The following LINGO1 variants were observed in gnomAD, a reference collection of about 807,000 sequenced individuals.
The protein encoded by LINGO1 is leucine-rich repeat and immunoglobulin-like domain-containing nogo receptor-interacting protein 1.
A neutral mutation model predicts 37.3 loss-of-function variants in LINGO1; 11 were observed. That is an observed-to-expected ratio of 0.29 (90% confidence interval 0.19 to 0.49). The LOEUF is 0.49. LINGO1 is among the 20% of genes least tolerant of loss of function. The pLI is 0.99. For synonymous variants in LINGO1, 387 were observed against 403.0 expected (o/e 0.96, Z 0.48); for missense variants, 585 against 878.2 (o/e 0.67, Z 4.22).
upstream of LINGO1, among the ~76,000 whole-genome samples, chr15:77,698,830 G>A (rs933616124): frequency 6.6e-6 from 1 of 152,184 alleles, no homozygotes; most frequent in African/African-American, 2.4e-5. Context: ...TCGGGAGCAG[G>A]GCTGCCTTTT....
intron 3 of LINGO1, among the ~76,000 whole-genome samples, chr15:77,670,010 C>CA (rs887085037): frequency 1.8e-4 from 28 of 151,692 alleles, no homozygotes; most frequent in Non-Finnish European, 3.4e-4. Context: ...ATCATTCAGC[C>CA]AAAAAAAAGA....
chr15:77,720,304 C>T (rs1281740222), intron 2 of LINGO1, among the ~76,000 whole-genome samples: 2 of 152,372 alleles, frequency 1.3e-5, no homozygotes, highest in East Asian at 3.9e-4. Flanking sequence ...GCCGACTCTG[C>T]CAAGCAGTGC....
chr15:77,673,597 C>T (rs1032356838), intron 3 of LINGO1, among the ~76,000 whole-genome samples: 2 of 152,212 alleles, frequency 1.3e-5, no homozygotes, highest in African/African-American at 2.4e-5. Flanking sequence ...CTTTTCTGTT[C>T]CCCCTCAGCT....
At chr15:77,663,566 G>T (rs1464006332) in intron 3 of LINGO1, among the ~76,000 whole-genome samples, 1 of 152,156 alleles carries the variant, frequency 6.6e-6, no homozygotes, top group African/African-American at 2.4e-5. Flanking sequence ...GTATTTATCT[G>T]CCCTTCTCTC....
At position 77,675,616 on chromosome 15, in the gene LINGO1, C is replaced by T. The variant is rs555078589; in HGVS notation, c.-13+1473G>A. Among the ~76,000 whole-genome samples the T allele has an allele frequency of 5.9e-5, 9 of 152,086 alleles. No individual in the cohort carries two copies. In the South Asian group the frequency reaches 1.3e-3, roughly 21 times the overall value. On this transcript the variant is annotated intron_variant, in intron 3 of 3. Coordinates refer to the LINGO1 transcript ENST00000559893. ...AAGGGGACATATCAAACGAGTTATC[C>T]GTGTTAGCTCTTGGGAGGAAAAGAC...
chr15:77,635,059 C>T (rs934500210), upstream of LINGO1, among the ~76,000 whole-genome samples: 1 of 152,232 alleles, frequency 6.6e-6, no homozygotes, highest in Non-Finnish European at 1.5e-5. Flanking sequence ...ACCCCGCTAA[C>T]CCCCAGGTGC....
intron 1 of LINGO1, among the ~76,000 whole-genome samples, chr15:77,691,732 G>C (rs2075606904): frequency 6.6e-6 from 1 of 151,994 alleles, no homozygotes; most frequent in African/African-American, 2.4e-5. Flanking sequence ...AGAGATGACG[G>C]AGCAATTCAC....
chr15:77,770,417 G>A (rs1280845605), intron 1 of LINGO1, among the ~76,000 whole-genome samples: 1 of 151,970 alleles, frequency 6.6e-6, no homozygotes, highest in African/African-American at 2.4e-5. Flanking sequence ...GAGAAATCCC[G>A]TCTCTACTAA....
chr15:77,813,145 T>C (rs2141482337), intron 1 of LINGO1, among the ~76,000 whole-genome samples: 1 of 152,232 alleles, frequency 6.6e-6, no homozygotes, highest in South Asian at 2.1e-4. Flanking sequence ...CAGTAAATAA[T>C]AAATGTTCCC....
At chr15:77,641,561 G>C (rs1186476165) in intron 3 of LINGO1, among the ~76,000 whole-genome samples, 18 of 152,218 alleles carry the variant, frequency 1.2e-4, no homozygotes. Context: ...TGTTAGCTAA[G>C]ACTAACGAAG....
upstream of LINGO1, among the ~76,000 whole-genome samples, chr15:77,699,778 C>CACACACAGTAAGCACATACTAA (rs1567532417): frequency 2.4e-5 from 3 of 123,956 alleles, no homozygotes; most frequent in African/African-American, 9.4e-5. Context: ...CCATCATTCC[C>CACACACAGTAAGCACATACTAA]CCCCTCTACC....
At chr15:77,657,518 C>T (rs2074891074) in intron 3 of LINGO1, among the ~76,000 whole-genome samples, 1 of 152,208 alleles carries the variant, frequency 6.6e-6, no homozygotes, top group Non-Finnish European at 1.5e-5. Context: ...CAGACATTCC[C>T]ATGACTATCA....
chr15:77,622,047 G>C (rs957192562), intron 1 of LINGO1, among the ~76,000 whole-genome samples: 1 of 152,180 alleles, frequency 6.6e-6, no homozygotes, highest in Non-Finnish European at 1.5e-5. Context: ...CGCGGTCCTC[G>C]TCTTGCCTTG....
chr15:77,630,177 G>A (rs552781396), intron 1 of LINGO1, among the ~76,000 whole-genome samples: 3 of 151,508 alleles, frequency 2.0e-5, no homozygotes, highest in Non-Finnish European at 2.9e-5. Context: ...ACTACCCACC[G>A]CCCCCCACCC....
At chr15:77,635,954 G>A (rs1424334551), upstream of LINGO1, among the ~76,000 whole-genome samples, 4 of 152,216 alleles carry the variant, frequency 2.6e-5, no homozygotes, top group Non-Finnish European at 4.4e-5. Context: ...GGGTTTGCCC[G>A]GGAACACAGG....
chr15:77,730,815 C>A (rs1353390536), intron 2 of LINGO1, among the ~76,000 whole-genome samples: 5 of 152,236 alleles, frequency 3.3e-5, no homozygotes, highest in Admixed American at 1.3e-4. Flanking sequence ...GGAGGTGTGG[C>A]CCATGCCTCC....
In LINGO1 at chr15:77,682,277, A is replaced by AGTGTGTGTGTGTGTGTGTGTGT. The variant is rs10581838; in HGVS notation, c.-98-5125_-98-5104dup. 8.4e-3 allele frequency among the ~76,000 whole-genome samples: 1,171 copies of AGTGTGTGTGTGTGTGTGTGTGT among 139,864 alleles called. 13 individuals carry two copies. Among genetic ancestry groups the AGTGTGTGTGTGTGTGTGTGTGT allele is most frequent in the South Asian group, 0.015 (63 of 4,118 alleles). The allele number at this position is 139,864 out of a possible 152,430, so 91.8% of individuals were successfully genotyped here. A position where few individuals can be genotyped will look rare whatever the true frequency, so the allele number is the denominator to read the frequency against. On this transcript the variant is annotated intron_variant, in intron 2 of 3. Coordinates refer to the LINGO1 transcript ENST00000559893. ...ATACTCATATGGCAGTAGAGATTAA[A>AGTGTGTGTGTGTGTGTGTGTGT]GTGTGTGTGTGTGTGTGTGTGTGTG...
chr15:77,712,599 G>A (rs777938143), intron 2 of LINGO1, among the ~76,000 whole-genome samples: 39 of 151,922 alleles, frequency 2.6e-4, no homozygotes, highest in Admixed American at 1.8e-3. Context: ...TCCAGCCACC[G>A]GCCACCTCAC....
chr15:77,804,709 C>A (rs1182492041), intron 1 of LINGO1, among the ~76,000 whole-genome samples: 6 of 152,194 alleles, frequency 3.9e-5, no homozygotes, highest in Non-Finnish European at 5.9e-5. Context: ...GCCCACCCAG[C>A]AGTGGCCTGA....
Sources: gnomAD v4.1 joint callset for allele counts (sites outside exome capture counted in the v4.1 genomes callset) on GRCh38, gnomAD v4.1.1 for gene constraint, MANE v1.5 for transcripts, NCBI Gene and HGNC (gene_info 2026-07-23, HGNC 2026-07-21) for gene names.